The following LRRFIP2 variants were observed in gnomAD, a reference collection of about 807,000 sequenced individuals.
The protein encoded by LRRFIP2 is leucine-rich repeat flightless-interacting protein 2.
LRRFIP2 carries 109 observed loss-of-function variants against 125.9 expected under a neutral mutation model. The ratio of observed to expected loss-of-function variants is 0.87; its 90% CI spans 0.74 to 1.01. The LOEUF (loss-of-function observed/expected upper bound fraction) is 1.01. LRRFIP2 is among the 50% of genes least tolerant of loss of function. LRRFIP2 has a pLI of 0.00. For missense variants in LRRFIP2, 850 were observed against 862.3 expected (o/e 0.99, Z 0.18); for synonymous variants, 291 against 293.1 (o/e 0.99, Z 0.07).
In LRRFIP2 at chr3:37,060,339, C is replaced by A. The variant is rs1321302502; in HGVS notation, c.1750-1429G>T. ...TGTTTGTTTGTTTGAGACAGGGTCT[C>A]GCTCTGTGGCCCAGACTGGAGTGCA... On this transcript the variant is annotated intron_variant, in intron 24 of 27. Transcript: ENST00000336686. The surrounding 1 kb of genome is among the most constrained non-coding windows in gnomAD (Gnocchi z 4.1). Among the ~76,000 whole-genome samples, 1 of 152,116 alleles carries A rather than the reference C, an allele frequency of 6.6e-6. No homozygotes were observed. Among genetic ancestry groups the A allele is most frequent in the Non-Finnish European group, 1.5e-5 (1 of 68,022 alleles).
chr3:37,128,413 T>C (rs534677434), intron 3 of LRRFIP2, among the ~76,000 whole-genome samples: 5 of 152,176 alleles, frequency 3.3e-5, no homozygotes, highest in Non-Finnish European at 2.9e-5. Flanking sequence ...TCCATATGCC[T>C]ATTCTTAAAA....
At chr3:37,112,325 A>C (rs930556361) in intron 8 of LRRFIP2, among the ~76,000 whole-genome samples, 1 of 147,600 alleles carries the variant, frequency 6.8e-6, no homozygotes, top group African/African-American at 2.5e-5. Flanking sequence ...ACAGAGCGAG[A>C]CTCCATCTCA....
intron 2 of LRRFIP2, among the ~76,000 whole-genome samples, chr3:37,146,343 ACCTGCAGGTTTGTTACATAGGTAAAC>A (rs1292296473): frequency 6.6e-6 from 1 of 152,196 alleles, no homozygotes; most frequent in African/African-American, 2.4e-5. Flanking sequence ...CATGTGCAGG[ACCTGCAGGTTTGTTACATAGGTAAAC>A]ACGTGTCATG....
chr3:37,108,857 C>T (rs2094447818), intron 11 of LRRFIP2, among the ~76,000 whole-genome samples, 173 bp from the exon 12 acceptor site: 1 of 152,154 alleles, frequency 6.6e-6, no homozygotes, highest in South Asian at 2.1e-4. Flanking sequence ...GCAAAAATTG[C>T]TATCAACCTT....
At chr3:37,172,541 T>C (rs1560202340) in intron 1 of LRRFIP2, among the ~76,000 whole-genome samples, 1 of 152,168 alleles carries the variant, frequency 6.6e-6, no homozygotes, top group Non-Finnish European at 1.5e-5. Context: ...ATACCACCTT[T>C]TAAAATGTTT....
In LRRFIP2 at chr3:37,054,427, C is replaced by T. The variant is rs762932364; in HGVS notation, c.2039G>A (p.Arg680Gln). Residue 680 changes from arginine (R) to glutamine (Q), a missense_variant, in exon 27 of 28, where the codon CGG (arginine) becomes CAG (glutamine). Physicochemically the swap from Arg to Gln is conservative, Grantham distance 43. Transcript: ENST00000336686. The stretch of plus-strand genomic sequence containing the variant: ...AAGAAGTACCTCTCGTTGTAGCTTC[C>T]GTTTTTCTGCTTTCAATTCATCTTC... ...KVEDELKAEK[R>Q]KLQRELRTAL... 5.0e-6 allele frequency: 8 copies of T among 1,613,268 alleles called. No individual in the cohort carries two copies. Among genetic ancestry groups the T allele is most frequent in the South Asian group, 1.1e-5 (1 of 91,024 alleles).
At chr3:37,091,356 C>CA in intron 18 of LRRFIP2, 111 bp downstream of exon 18, 2 of 700,722 alleles carry the variant, frequency 2.9e-6, no homozygotes, top group Non-Finnish European at 4.6e-6. Context: ...GCTTGAAAGA[C>CA]AAACACTGTT....
At chr3:37,105,816 G>C (rs2094293313) in intron 13 of LRRFIP2, among the ~76,000 whole-genome samples, 1 of 152,206 alleles carries the variant, frequency 6.6e-6, no homozygotes, top group South Asian at 2.1e-4. Flanking sequence ...TGTAATCCCA[G>C]CACTTTGGGA....
chr3:37,106,323 C>G (rs2094322507), intron 13 of LRRFIP2, among the ~76,000 whole-genome samples: 1 of 152,152 alleles, frequency 6.6e-6, no homozygotes, highest in African/African-American at 2.4e-5. Context: ...GGAGATGTTG[C>G]TAACATCACC....
intron 2 of LRRFIP2, among the ~76,000 whole-genome samples, chr3:37,131,435 T>TAA (rs201340919): frequency 6.6e-6 from 1 of 150,754 alleles, no homozygotes; most frequent in Non-Finnish European, 1.5e-5. Context: ...CAAGGTCTGC[T>TAA]AAAAAAAAAC....
At chr3:37,082,049 T>C (rs1274920417) in intron 19 of LRRFIP2, among the ~76,000 whole-genome samples, 1 of 152,138 alleles carries the variant, frequency 6.6e-6, no homozygotes, top group Non-Finnish European at 1.5e-5. Flanking sequence ...GAAGGATATT[T>C]GAGACGATGG....
At chr3:37,144,174 T>A (rs186299597) in intron 2 of LRRFIP2, among the ~76,000 whole-genome samples, 1 of 152,298 alleles carries the variant, frequency 6.6e-6, no homozygotes, top group East Asian at 1.9e-4. Context: ...AGGTGGCAGG[T>A]TCAGAAGTTA....
intron 1 of LRRFIP2, among the ~76,000 whole-genome samples, chr3:37,165,000 C>T (rs957930139): frequency 1.3e-5 from 2 of 152,064 alleles, no homozygotes; most frequent in Non-Finnish European, 2.9e-5. Flanking sequence ...CTTTGGGAGG[C>T]CGAGGCTGGC....
At chr3:37,054,899 T>A (rs915705944) in intron 26 of LRRFIP2, among the ~76,000 whole-genome samples, 187 bp downstream of exon 26, 20 of 152,322 alleles carry the variant, frequency 1.3e-4, no homozygotes, top group African/African-American at 4.8e-4. Context: ...ATAGCTATAG[T>A]TTCCTATGGT....
At chr3:37,134,789 A>G in intron 2 of LRRFIP2, 2 of 814,146 alleles carry the variant, frequency 2.5e-6, no homozygotes, top group Non-Finnish European at 4.3e-6. Flanking sequence ...ATGACAGCCC[A>G]TATCAAAGCG....
intron 2 of LRRFIP2, among the ~76,000 whole-genome samples, chr3:37,148,580 A>G (rs1218614153): frequency 1.3e-5 from 2 of 152,232 alleles, no homozygotes; most frequent in East Asian, 3.8e-4. Context: ...CATTTCTCTA[A>G]TAAAAACCTC....
intron 21 of LRRFIP2, among the ~76,000 whole-genome samples, chr3:37,069,639 G>A (rs9823428): frequency 0.35 from 53,415 of 152,006 alleles, 10,553 homozygotes; most frequent in Non-Finnish European, 0.45. Flanking sequence ...GGTGGTGACA[G>A]TAGCACAACA....
At chr3:37,096,891 A>G (rs559432285) in intron 15 of LRRFIP2, among the ~76,000 whole-genome samples, 3 of 152,156 alleles carry the variant, frequency 2.0e-5, no homozygotes, top group Non-Finnish European at 4.4e-5. Context: ...TCAAAAGTTT[A>G]GAACTTTTGG....
At chr3:37,114,078 T>A (rs2094662738) in intron 7 of LRRFIP2, among the ~76,000 whole-genome samples, 1 of 151,610 alleles carries the variant, frequency 6.6e-6, no homozygotes, top group African/African-American at 2.4e-5. Context: ...TATATAGCTG[T>A]ATTCCCAATC....
Sources: allele counts gnomAD v4.1 joint callset (sites outside exome capture counted in the v4.1 genomes callset), GRCh38; gene constraint gnomAD v4.1.1; non-coding constraint Gnocchi (gnomAD v3.1); transcripts MANE v1.5; gene names NCBI Gene and HGNC (gene_info 2026-07-23, HGNC 2026-07-21).